PCDHA9: variants seen among roughly 807,000 people sequenced by gnomAD.
PCDHA9 encodes the protein protocadherin alpha 9.
A neutral mutation model predicts 62.0 loss-of-function variants in PCDHA9; 62 were observed. The observed-to-expected ratio is 1.00, with a 90% CI of 0.81 to 1.23. PCDHA9 has a LOEUF of 1.23. Ranked by LOEUF, PCDHA9 falls within the 50% of genes most tolerant of loss-of-function variation. The pLI, the probability that PCDHA9 is intolerant of heterozygous loss-of-function variation, is 0.00. For synonymous variants in PCDHA9, 557 were observed against 567.6 expected (o/e 0.98, Z 0.27); for missense variants, 1,205 against 1,249.8 (o/e 0.96, Z 0.54).
intron 1 of PCDHA9, chr5:140,871,350 C>T (rs782168219): frequency 5.6e-6 from 9 of 1,614,194 alleles, no homozygotes; most frequent in Non-Finnish European, 7.6e-6. Flanking sequence ...GCTGGTCATA[C>T]TCGCAGCAGA....
Position 140,984,851 on chromosome 5 carries a change from A to G in PCDHA9, c.2542+2288A>G, listed in dbSNP as rs986424116. Among the ~76,000 whole-genome samples the G allele has an allele frequency of 2.6e-5, 4 of 152,200 alleles. No individual in the cohort carries two copies. In the South Asian group the frequency reaches 6.2e-4, roughly 24 times the overall value. ...TTTCTGTAAATTGGGTGTAGTAATA[A>G]TAATAACACCTATTTTATTGAGTTA... On this transcript the variant is annotated intron_variant, in intron 3 of 3. Coordinates refer to ENST00000532602, the MANE Select transcript of PCDHA9 (RefSeq NM_031857.2).
intron 1 of PCDHA9, chr5:140,865,001 C>T (rs185152337): frequency 6.6e-6 from 1 of 152,206 alleles, no homozygotes; most frequent in East Asian, 1.9e-4. Flanking sequence ...AGTTTGAGAC[C>T]AGCCTCGGCA....
At chr5:140,887,532 C>T (rs1161154809) in intron 1 of PCDHA9, among the ~76,000 whole-genome samples, 1 of 152,152 alleles carries the variant, frequency 6.6e-6, no homozygotes, top group African/African-American at 2.4e-5. Flanking sequence ...GAGTCTTCCT[C>T]TCCCCACCCC....
chr5:140,966,792 C>A (rs1182470326), intron 1 of PCDHA9: 3 of 1,530,564 alleles, frequency 2.0e-6, no homozygotes, highest in Admixed American at 1.9e-5. Context: ...ACCAGACCTG[C>A]GGCGACAGAG....
chr5:140,896,540 T>C (rs1372765271), intron 1 of PCDHA9, among the ~76,000 whole-genome samples: 1 of 151,560 alleles, frequency 6.6e-6, no homozygotes, highest in Non-Finnish European at 1.5e-5. Flanking sequence ...ATTTTTCTTT[T>C]TTTTTTTTGT....
In PCDHA9 at chr5:141,010,555, C is replaced by CTG; in HGVS notation, c.*618_*619insTG. 2 of 321,156 alleles carry CTG rather than the reference C, an allele frequency of 6.2e-6. No homozygotes were observed. The highest frequency in any genetic ancestry group is 1.1e-4 in the South Asian group (2 of 18,704). 19.9% of individuals were successfully genotyped at this position (321,156 alleles called of 1,614,324 possible). On this transcript the variant is annotated 3_prime_UTR_variant, in exon 4 of 4. Coordinates refer to ENST00000532602, the MANE Select transcript of PCDHA9 (RefSeq NM_031857.2). ...ACCCTCTAGGAGACAAAACTACCCCCACTGACAAGGCTTTAGGAGACCCTA... is the reference window on the plus strand; with the variant it reads ...ACCCTCTAGGAGACAAAACTACCCCCTGACTGACAAGGCTTTAGGAGACCCTA...
At chr5:140,882,153 AAT>A in intron 1 of PCDHA9, 1 of 1,505,320 alleles carries the variant, frequency 6.6e-7, no homozygotes, top group South Asian at 1.4e-5. Context: ...CAGAAAGCGG[AAT>A]ACCTCTTGCG....
chr5:140,857,081 A>G, intron 1 of PCDHA9: 1 of 1,597,048 alleles, frequency 6.3e-7, no homozygotes, highest in African/African-American at 1.3e-5. Context: ...TGAAAATGAT[A>G]ATTCACCTGA....
At chr5:140,967,845 A>T in intron 1 of PCDHA9, 1 of 1,614,160 alleles carries the variant, frequency 6.2e-7, no homozygotes, top group Non-Finnish European at 8.5e-7. Context: ...GACGTGAATG[A>T]CAATGCCCCA....
At chr5:140,976,971 C>A (rs2096740170) in intron 1 of PCDHA9, among the ~76,000 whole-genome samples, 1 of 152,138 alleles carries the variant, frequency 6.6e-6, no homozygotes, top group Non-Finnish European at 1.5e-5. Flanking sequence ...TTTCCTTTTC[C>A]CTGCCTGATC....
At chr5:140,966,993 G>A in intron 1 of PCDHA9, 4 of 1,604,524 alleles carry the variant, frequency 2.5e-6, no homozygotes, top group Non-Finnish European at 3.4e-6. Context: ...GGGCCGGGTT[G>A]CTTGCGCATC....
At position 140,898,329 on chromosome 5, in the gene PCDHA9, C is replaced by T. The variant is rs13158044; in HGVS notation, c.2394+47440C>T. Among the ~76,000 whole-genome samples the T allele has an allele frequency of 3.9e-5, 6 of 152,232 alleles. No homozygotes were observed. The East Asian group carries it at 7.7e-4, about 20-fold the overall frequency. On this transcript the variant is annotated intron_variant, in intron 1 of 3. Transcript: ENST00000532602. ...AGGGTTTTTATGGTTTTGGGTCTAA[C>T]GTTTAAGTCTTTAATCCATCTTGAA...
intron 1 of PCDHA9, chr5:140,883,017 C>G: frequency 6.2e-7 from 1 of 1,614,054 alleles, no homozygotes. Context: ...TATAAAGTGA[C>G]GGTGTTAGAG....
chr5:140,963,233 G>C (rs151988), intron 1 of PCDHA9, among the ~76,000 whole-genome samples: 50,230 of 151,972 alleles, frequency 0.33, 8,535 homozygotes, highest in East Asian at 0.53. Context: ...GACACTGTTT[G>C]ATGGATTAGG....
intron 1 of PCDHA9, chr5:140,882,471 C>A: frequency 6.2e-7 from 1 of 1,614,024 alleles, no homozygotes; most frequent in African/African-American, 1.3e-5. Flanking sequence ...CGGGTGGCGT[C>A]CAAAAGACAC....
intron 1 of PCDHA9, among the ~76,000 whole-genome samples, chr5:140,905,749 C>T (rs1442006265): frequency 6.6e-6 from 1 of 152,162 alleles, no homozygotes; most frequent in Non-Finnish European, 1.5e-5. Flanking sequence ...AGATCTTTCA[C>T]CTCCTTGGTT....
At chr5:140,876,963 G>T in intron 1 of PCDHA9, 4 of 1,613,068 alleles carry the variant, frequency 2.5e-6, no homozygotes, top group Non-Finnish European at 2.5e-6. Context: ...TGGTGGAGCG[G>T]CGGGTGGGCG....
At chr5:140,934,508 C>G (rs2089875994) in intron 1 of PCDHA9, among the ~76,000 whole-genome samples, 1 of 152,096 alleles carries the variant, frequency 6.6e-6, no homozygotes, top group African/African-American at 2.4e-5. Flanking sequence ...CCCAAAGGGT[C>G]CATAGACCAC....
intron 1 of PCDHA9, among the ~76,000 whole-genome samples, chr5:140,947,307 T>C (rs1329729103): frequency 6.6e-6 from 1 of 151,660 alleles, no homozygotes; most frequent in African/African-American, 2.4e-5. Context: ...GACATCTTTG[T>C]AAAAAGTCGG....
Sources: gnomAD v4.1 joint callset for allele counts (sites outside exome capture counted in the v4.1 genomes callset) on GRCh38, gnomAD v4.1.1 for gene constraint, MANE v1.5 for transcripts, NCBI Gene and HGNC (gene_info 2026-07-23, HGNC 2026-07-21) for gene names.